Variants in RNF130 observed in about 807,000 individuals in gnomAD.
RNF130 encodes ring finger protein 130.
Under a neutral mutation model 44.6 loss-of-function variants are expected in RNF130, and 21 were observed. The ratio of observed to expected loss-of-function variants is 0.47; its 90% CI spans 0.33 to 0.68. The LOEUF (loss-of-function observed/expected upper bound fraction) is 0.68, where lower values mean the gene tolerates loss of function less well. Among genes scored for constraint, RNF130 ranks in the 30% least tolerant of loss-of-function variants. The pLI is 0.02. For synonymous variants in RNF130, 214 were observed against 210.4 expected (o/e 1.02, Z -0.15); for missense variants, 479 against 560.6 (o/e 0.85, Z 1.47).
At chr5:180,003,995 T>C (rs1016834014) in intron 3 of RNF130, among the ~76,000 whole-genome samples, 1 of 152,236 alleles carries the variant, frequency 6.6e-6, no homozygotes, top group Non-Finnish European at 1.5e-5. Flanking sequence ...ATCGTCACAA[T>C]CATTTTATGA....
At chr5:179,928,870 C>A (rs549874551) in intron 7 of RNF130, among the ~76,000 whole-genome samples, 1 of 152,162 alleles carries the variant, frequency 6.6e-6, no homozygotes, top group Admixed American at 6.5e-5. Context: ...ATCTCGTGAT[C>A]CCCCTGCCTC....
intron 5 of RNF130, 92 bp from the exon 6 acceptor site, chr5:179,970,598 CT>C: frequency 1.1e-6 from 1 of 902,728 alleles, no homozygotes; most frequent in South Asian, 1.6e-5. Context: ...GTTAAGTTTT[CT>C]TTTCCCCCTT....
At chr5:180,044,308 C>CA (rs1268754000) in intron 1 of RNF130, among the ~76,000 whole-genome samples, 3 of 152,084 alleles carry the variant, frequency 2.0e-5, no homozygotes, top group South Asian at 2.1e-4. Context: ...ATAAAAATTT[C>CA]AAGATAGATA....
At chr5:180,060,996 G>C (rs1764972007) in intron 1 of RNF130, among the ~76,000 whole-genome samples, 1 of 151,566 alleles carries the variant, frequency 6.6e-6, no homozygotes, top group African/African-American at 2.4e-5. Context: ...GTGAACCCCG[G>C]GGGGGCGGAG....
In RNF130 at chr5:179,948,986, G is replaced by C. The variant is rs573233016; in HGVS notation, c.1150+17820C>G. ...ATTTTTTTTTTTTTTTTTTTTTTGA[G>C]ATGGAGTCTCGCTCTGTCACCCAGG... is the stretch of plus-strand genomic sequence containing the variant. On this transcript the variant is annotated intron_variant, in intron 7 of 7. Transcript: ENST00000522208. 3.8e-5 allele frequency among the ~76,000 whole-genome samples: 5 copies of C among 130,810 alleles called. No homozygotes were observed. In the South Asian group the frequency reaches 1.2e-3, roughly 32 times the overall value. 85.8% of individuals were successfully genotyped at this position (130,810 alleles called of 152,430 possible).
At chr5:180,025,595 G>T (rs1213975668) in intron 2 of RNF130, among the ~76,000 whole-genome samples, 1 of 151,956 alleles carries the variant, frequency 6.6e-6, no homozygotes, top group Non-Finnish European at 1.5e-5. Flanking sequence ...TAAAGCTACT[G>T]CTTAAGTGTT....
chr5:179,944,016 G>C (rs1474547936), intron 7 of RNF130, among the ~76,000 whole-genome samples: 1 of 150,998 alleles, frequency 6.6e-6, no homozygotes, highest in Non-Finnish European at 1.5e-5. Context: ...CTGTCACCCA[G>C]GCTGGAGTGC....
chr5:180,020,722 G>T (rs1380506825), intron 2 of RNF130, among the ~76,000 whole-genome samples: 1 of 152,184 alleles, frequency 6.6e-6, no homozygotes, highest in African/African-American at 2.4e-5. Flanking sequence ...TATGTCAAGA[G>T]AAAGAAAAGG....
At chr5:180,035,966 T>C (rs1472691236) in intron 2 of RNF130, among the ~76,000 whole-genome samples, 3 of 152,222 alleles carry the variant, frequency 2.0e-5, no homozygotes, top group Non-Finnish European at 2.9e-5. Flanking sequence ...TCTTTGGACA[T>C]ATTTATATTA....
chr5:180,043,945 T>C (rs1456789322), intron 1 of RNF130, among the ~76,000 whole-genome samples: 1 of 152,216 alleles, frequency 6.6e-6, no homozygotes, highest in African/African-American at 2.4e-5. Context: ...AACTTAATAC[T>C]GTAGTATACT....
chr5:179,962,232 T>C (rs942942443), intron 8 of RNF130, among the ~76,000 whole-genome samples: 1 of 152,184 alleles, frequency 6.6e-6, no homozygotes, highest in African/African-American at 2.4e-5. Flanking sequence ...GACCCTGACA[T>C]CTGTGAGCCT....
intron 7 of RNF130, among the ~76,000 whole-genome samples, chr5:179,942,429 C>T (rs1447879857): frequency 2.6e-5 from 4 of 152,064 alleles, no homozygotes; most frequent in South Asian, 2.1e-4. Context: ...ATATATGGTC[C>T]GTATGCTCTT....
intron 1 of RNF130, among the ~76,000 whole-genome samples, chr5:180,050,741 T>G (rs1561707748): frequency 1.3e-5 from 2 of 152,260 alleles, no homozygotes; most frequent in Non-Finnish European, 1.5e-5. Flanking sequence ...AGTGACAGGT[T>G]AATTAAGTAA....
At chr5:180,010,730 T>C (rs969161493) in intron 3 of RNF130, among the ~76,000 whole-genome samples, 1 of 151,962 alleles carries the variant, frequency 6.6e-6, no homozygotes, top group Non-Finnish European at 1.5e-5. Flanking sequence ...CCTGGTAGAT[T>C]AGGGAAGGGG....
intron 1 of RNF130, among the ~76,000 whole-genome samples, chr5:180,050,634 CCTTATT>C (rs1363935355): frequency 6.6e-6 from 1 of 152,214 alleles, no homozygotes; most frequent in Non-Finnish European, 1.5e-5. Flanking sequence ...TTTCCCTCCT[CCTTATT>C]CTACATCCTT....
intron 3 of RNF130, among the ~76,000 whole-genome samples, chr5:179,990,454 C>A (rs557199949): frequency 2.0e-5 from 3 of 152,288 alleles, no homozygotes; most frequent in Non-Finnish European, 2.9e-5. Context: ...GAGAGCGGAC[C>A]AGGGGCGTGA....
chr5:179,955,505 T>A lies in RNF130; in HGVS notation c.*149A>T. On this transcript the variant is annotated 3_prime_UTR_variant, in exon 9 of 9. Coordinates refer to ENST00000521389, the MANE Select transcript of RNF130 (RefSeq NM_018434.6). ...TTTTTATTTTATTATTTATTTCTTTTAATACAAAGCTTTGGCATTAGCAAT... is the reference window on the plus strand; with the variant it reads ...TTTTTATTTTATTATTTATTTCTTTAAATACAAAGCTTTGGCATTAGCAAT... 1 of 585,362 alleles carries A rather than the reference T, an allele frequency of 1.7e-6. No individual in the cohort carries two copies. The highest frequency in any genetic ancestry group is 2.9e-5 in the East Asian group (1 of 34,650). The allele number at this position is 585,362 out of a possible 1,614,324, so 36.3% of individuals were successfully genotyped here.
chr5:179,968,112 G>A (rs918830302), intron 6 of RNF130, among the ~76,000 whole-genome samples: 10 of 151,388 alleles, frequency 6.6e-5, no homozygotes, highest in Admixed American at 3.3e-4. Context: ...TGGCTAACAC[G>A]GTGAAACCCC....
At chr5:180,060,833 G>C (rs1198652424) in intron 1 of RNF130, among the ~76,000 whole-genome samples, 1 of 152,160 alleles carries the variant, frequency 6.6e-6, no homozygotes, top group Non-Finnish European at 1.5e-5. Context: ...ACTTTGGGAG[G>C]CCGAGGTGGG....
Sources: gnomAD v4.1 joint callset for allele counts (sites outside exome capture counted in the v4.1 genomes callset) on GRCh38, gnomAD v4.1.1 for gene constraint, MANE v1.5 for transcripts, NCBI Gene and HGNC (gene_info 2026-07-23, HGNC 2026-07-21) for gene names.